Variants in PRKD2 observed in about 807,000 individuals in gnomAD.
PRKD2 encodes serine/threonine-protein kinase D2.
A neutral mutation model predicts 86.0 loss-of-function variants in PRKD2; 22 were observed. The ratio of observed to expected loss-of-function variants is 0.26; its 90% confidence interval spans 0.18 to 0.37. The LOEUF (loss-of-function observed/expected upper bound fraction) is 0.37. PRKD2 is among the 10% of genes least tolerant of loss of function. PRKD2 has a pLI of 1.00. For synonymous variants in PRKD2, 509 were observed against 510.9 expected (o/e 1.00, Z 0.05); for missense variants, 818 against 1,199.2 (o/e 0.68, Z 4.70).
At chr19:46,679,813 C>T (rs934284085) in intron 15 of PRKD2, among the ~76,000 whole-genome samples, 18 of 152,134 alleles carry the variant, frequency 1.2e-4, no homozygotes, top group Admixed American at 6.6e-4. Flanking sequence ...TTAGTAGAGA[C>T]GACATTTCAC....
At chr19:46,682,257 C>T (rs1253887947) in intron 14 of PRKD2, among the ~76,000 whole-genome samples, 3 of 152,094 alleles carry the variant, frequency 2.0e-5, no homozygotes, top group South Asian at 2.1e-4. Context: ...TTCCCCACCT[C>T]GGCCTCCCAA....
At chr19:46,711,580 A>T (rs2053809670) in intron 2 of PRKD2, among the ~76,000 whole-genome samples, 1 of 151,844 alleles carries the variant, frequency 6.6e-6, no homozygotes, top group Non-Finnish European at 1.5e-5. Flanking sequence ...TTTAGTAGAG[A>T]CGGAGTTTCA....
intron 1 of PRKD2, chr19:46,714,234 G>T (rs2053851243): frequency 2.3e-6 from 3 of 1,298,358 alleles, no homozygotes; most frequent in Middle Eastern, 6.1e-4. Flanking sequence ...CTGGAAGGGG[G>T]AGCTGGGGTG....
At chr19:46,675,354 C>A (rs1227954284) in intron 16 of PRKD2, among the ~76,000 whole-genome samples, 1 of 152,198 alleles carries the variant, frequency 6.6e-6, no homozygotes, top group Non-Finnish European at 1.5e-5. Context: ...CTGTTCTCTA[C>A]TTCAATTTCC....
Position 46,690,158 on chromosome 19 carries a change from CT to C in PRKD2, c.1809+441del, listed in dbSNP as rs1233604085. On this transcript the variant is annotated intron_variant, in intron 13 of 17. Coordinates refer to ENST00000291281, the MANE Select transcript of PRKD2 (RefSeq NM_016457.5). ...TCTGTATCTTTTAAATCCATACCCC[CT>C]CTCACATTCTCCAGTCCTATCCTGG... Among the ~76,000 whole-genome samples, 8 of 152,136 alleles carry C rather than the reference CT, an allele frequency of 5.3e-5. No homozygotes were observed. The South Asian group carries it at 1.5e-3, about 28-fold the overall frequency.
Position 46,674,689 on chromosome 19 carries a change from C to T in PRKD2, c.2471G>A (p.Gly824Glu). ...LDLRELEGKMGERYITHESDD... is the reference protein window; with the variant it reads ...LDLRELEGKMEERYITHESDD... ...ACTCTCATGCGTGATGTATCGCTCT[C>T]CCATCTTCCCCTCCAGCTCTCGGAG... Residue 824 changes from glycine to glutamate, a missense_variant, in exon 18 of 18, where the codon GGA becomes GAA. Physicochemically the swap from Gly to Glu is moderately conservative, Grantham distance 98 (BLOSUM62 -2). Around this residue, in one of 5 missense-constraint regions of PRKD2, gnomAD observed 132 missense variants for 146.2 expected, o/e 0.90. Coordinates refer to ENST00000291281, the MANE Select transcript of PRKD2 (RefSeq NM_016457.5). 1 of 1,606,188 alleles carries T rather than the reference C, an allele frequency of 6.2e-7. No homozygotes were observed. The highest frequency in any genetic ancestry group is 2.2e-5 in the East Asian group (1 of 44,878).
intron 3 of PRKD2, among the ~76,000 whole-genome samples, chr19:46,706,460 G>A (rs1484812999): frequency 1.3e-5 from 2 of 152,188 alleles, no homozygotes; most frequent in Non-Finnish European, 2.9e-5. Context: ...AGCTTCAGCA[G>A]GGCAAATGGT....
intron 5 of PRKD2, 139 bp from the exon 6 acceptor site, chr19:46,701,251 G>C: frequency 1.1e-6 from 1 of 912,830 alleles, no homozygotes; most frequent in South Asian, 1.5e-5. Context: ...CTGCTGCCCT[G>C]GTCATTTTCC....
At position 46,707,891 on chromosome 19, in the gene PRKD2, GT is replaced by G. The variant is rs1182831496; in HGVS notation, c.511+3015del. Among the ~76,000 whole-genome samples, 20 of 151,880 alleles carry G rather than the reference GT, an allele frequency of 1.3e-4. No homozygotes were observed. In the East Asian group the frequency reaches 3.7e-3, roughly 28 times the overall value. On this transcript the variant is annotated intron_variant, in intron 3 of 17. Transcript: ENST00000291281. ...GCGGGTGGATCATTTGAGGTCAGGA[GT>G]TCAAGACCAGCCTGGCCAACGTGGT...
intron 14 of PRKD2, among the ~76,000 whole-genome samples, chr19:46,687,448 A>G (rs2053418148): frequency 6.6e-6 from 1 of 152,066 alleles, no homozygotes; most frequent in South Asian, 2.1e-4. Context: ...ATGTAACACA[A>G]ATGAGTTTGA....
intron 2 of PRKD2, among the ~76,000 whole-genome samples, chr19:46,713,325 C>T (rs573877590): frequency 2.0e-5 from 3 of 151,636 alleles, no homozygotes; most frequent in East Asian, 3.9e-4. Context: ...CTGCAGCTGG[C>T]CCATTTTTTA....
At chr19:46,708,740 A>G (rs2053754961) in intron 3 of PRKD2, among the ~76,000 whole-genome samples, 1 of 152,186 alleles carries the variant, frequency 6.6e-6, no homozygotes, top group Admixed American at 6.6e-5. Flanking sequence ...CAGAATCTGG[A>G]TCTTTGTCTT....
intron 14 of PRKD2, among the ~76,000 whole-genome samples, chr19:46,683,871 A>T (rs568755990): frequency 1.3e-5 from 2 of 152,180 alleles, no homozygotes; most frequent in East Asian, 3.9e-4. Flanking sequence ...GTTGGTAAAT[A>T]TATTTGTTTG....
In PRKD2 at chr19:46,713,968, T is replaced by C. The variant is rs761279629; in HGVS notation, c.274A>G (p.Lys92Glu). 3 of 1,613,574 alleles carry C rather than the reference T, an allele frequency of 1.9e-6. No individual in the cohort carries two copies. The highest frequency in any genetic ancestry group is 1.1e-5 in the South Asian group (1 of 91,076). Residue 92 changes from lysine to glutamate, a missense_variant, in exon 2 of 18, where the codon AAG (lysine) becomes GAG (glutamate). Physicochemically the swap from Lys to Glu is moderately conservative, Grantham distance 56. Around this residue, in one of 5 missense-constraint regions of PRKD2, gnomAD observed 403 missense variants for 518.6 expected, o/e 0.78. Coordinates refer to ENST00000291281, the MANE Select transcript of PRKD2 (RefSeq NM_016457.5). The stretch of plus-strand genomic sequence containing the variant: ...GGGTCATGTTTGAAAAGCAGGATCT[T>C]GTCGTAAAGGCCGTAGAAGCCACAC... Reference protein sequence around the residue: ...PECGFYGLYDKILLFKHDPTS... With the variant: ...PECGFYGLYDEILLFKHDPTS...
rs1341504519 is a variant in PRKD2, at chr19:46,681,524, C to T, written c.2070+126G>A. Reference sequence around the variant, plus strand: ...CCTCCTGCCTCAGCCTCTCAAAATGCTGATTACAGGCAAGAGCCACTGTGC... The same window carrying T: ...CCTCCTGCCTCAGCCTCTCAAAATGTTGATTACAGGCAAGAGCCACTGTGC... On this transcript the variant is annotated intron_variant, in intron 15 of 17. Transcript: ENST00000291281. 4.5e-6 allele frequency: 3 copies of T among 669,132 alleles called. No homozygotes were observed. The Admixed American group carries it at 7.5e-5, about 17-fold the overall frequency. 41.4% of individuals were successfully genotyped at this position (669,132 alleles called of 1,614,324 possible).
intron 5 of PRKD2, 68 bp downstream of exon 5, chr19:46,704,101 C>T: frequency 6.3e-7 from 1 of 1,595,458 alleles, no homozygotes; most frequent in Non-Finnish European, 8.5e-7. Flanking sequence ...TGTGTCCTGC[C>T]ACAAGACCAG....
At chr19:46,709,509 G>A (rs1009453761) in intron 3 of PRKD2, among the ~76,000 whole-genome samples, 2 of 151,898 alleles carry the variant, frequency 1.3e-5, no homozygotes, top group Non-Finnish European at 2.9e-5. Context: ...AATTACAGGC[G>A]TCCACCAACA....
chr19:46,696,059 G>A (rs570258907), intron 9 of PRKD2, among the ~76,000 whole-genome samples: 2 of 152,164 alleles, frequency 1.3e-5, no homozygotes, highest in African/African-American at 2.4e-5. Context: ...GGCTGGTTTC[G>A]AACTCATGAT....
At chr19:46,710,829 C>A in intron 3 of PRKD2, 78 bp downstream of exon 3, 1 of 1,426,090 alleles carries the variant, frequency 7.0e-7, no homozygotes, top group South Asian at 1.3e-5. Flanking sequence ...CCACGCTGTC[C>A]CCGTGCCAGG....
Sources: gnomAD v4.1 joint callset for allele counts (sites outside exome capture counted in the v4.1 genomes callset) on GRCh38, gnomAD v4.1.1 for gene constraint, gnomAD v4.1.1 regional missense constraint, MANE v1.5 for transcripts, NCBI Gene and HGNC (gene_info 2026-07-23, HGNC 2026-07-21) for gene names.